Variants in BCAR3 observed in about 807,000 individuals in gnomAD.
BCAR3 encodes the protein BCAR3 adaptor protein, NSP family member.
BCAR3 carries 37 observed loss-of-function variants against 80.1 expected under a neutral mutation model. The observed-to-expected ratio is 0.46, with a 90% CI of 0.36 to 0.61. The LOEUF (loss-of-function observed/expected upper bound fraction) is 0.61. Among genes scored for constraint, BCAR3 ranks in the 20% least tolerant of loss-of-function variants. The probability of loss-of-function intolerance (pLI) is 0.00; values close to 1 mark genes in which losing one functional copy is unlikely to be tolerated. For missense variants in BCAR3, 978 were observed against 1,068.2 expected, an observed-to-expected ratio of 0.92 and a Z score of 1.18; for synonymous variants, 389 against 418.9, an observed-to-expected ratio of 0.93 and a Z score of 0.87.
rs1038416202 is a variant in BCAR3 at position 93,586,422 on chromosome 1, A to G, written c.930-2301T>C. ...GGCTGAATAGTACTCCACTGTGTATATACACATTTCCCTTATCTATTCAGC... is the reference window on the plus strand; with the variant it reads ...GGCTGAATAGTACTCCACTGTGTATGTACACATTTCCCTTATCTATTCAGC... On this transcript the variant is annotated intron_variant, in intron 5 of 11. Coordinates refer to ENST00000260502, the MANE Select transcript of BCAR3 (RefSeq NM_003567.4). The surrounding 1 kb of genome is among the most constrained non-coding windows in gnomAD (Gnocchi z 4.2). Among the ~76,000 whole-genome samples the G allele has an allele frequency of 6.6e-6, 1 of 152,250 alleles. No homozygotes were observed. The highest frequency in any genetic ancestry group is 1.5e-5 in the Non-Finnish European group (1 of 68,046).
rs550358639 is a variant in BCAR3 at position 93,805,916 on chromosome 1, ACAAT to A, written c.-63+39647_-63+39650del. ...AAGAAGAGGATGTTATGAAAAAGAA[ACAAT>A]CAGAGAACAAGAAAGAGCTTTTTGA... On this transcript the variant is annotated intron_variant, in intron 2 of 13. Coordinates refer to the BCAR3 transcript ENST00000370244. 9.4e-4 allele frequency among the ~76,000 whole-genome samples: 143 copies of A among 152,292 alleles called. 4 individuals are homozygous for A. Among genetic ancestry groups the A allele is most frequent in the African/African-American group, 3.3e-3 (136 of 41,574 alleles).
upstream of BCAR3, among the ~76,000 whole-genome samples, chr1:93,683,409 T>C (rs539329902): frequency 6.6e-5 from 10 of 152,320 alleles, no homozygotes; most frequent in African/African-American, 1.4e-4. Flanking sequence ...CTAGAAAAGC[T>C]AAATTAACAT....
chr1:93,843,157 A>C (rs1655022695), intron 2 of BCAR3, among the ~76,000 whole-genome samples: 1 of 152,224 alleles, frequency 6.6e-6, no homozygotes, highest in Non-Finnish European at 1.5e-5. Context: ...AGGTTCTTGA[A>C]CTAAGAACTG....
intron 2 of BCAR3, among the ~76,000 whole-genome samples, chr1:93,742,161 G>A (rs1571088721): frequency 6.6e-6 from 1 of 152,196 alleles, no homozygotes; most frequent in East Asian, 1.9e-4. Context: ...GTGGTGCAGG[G>A]TATCAGAGTG....
chr1:93,634,930 G>A (rs236279), intron 3 of BCAR3, among the ~76,000 whole-genome samples: 1,810 of 152,190 alleles, frequency 0.012, 35 homozygotes, highest in African/African-American at 0.04. Context: ...GTGTTTCTGC[G>A]TATATCAACA....
intron 2 of BCAR3, among the ~76,000 whole-genome samples, chr1:93,746,162 T>C (rs1436266102): frequency 6.6e-6 from 1 of 152,176 alleles, no homozygotes; most frequent in Admixed American, 6.5e-5. Context: ...GGTAAGAAGA[T>C]GTCAAGAGCA....
intron 2 of BCAR3, among the ~76,000 whole-genome samples, chr1:93,823,871 T>C (rs909452986): frequency 3.7e-5 from 5 of 133,344 alleles, no homozygotes; most frequent in African/African-American, 1.3e-4. Flanking sequence ...AGCTAATTTT[T>C]ACATTTTTAG....
At chr1:93,749,556 A>T (rs980853719) in intron 2 of BCAR3, among the ~76,000 whole-genome samples, 1 of 149,592 alleles carries the variant, frequency 6.7e-6, no homozygotes, top group Non-Finnish European at 1.5e-5. Flanking sequence ...ACCACTGCAC[A>T]CCAGCCTGGG....
intron 2 of BCAR3, among the ~76,000 whole-genome samples, chr1:93,764,007 C>T (rs1652053927): frequency 6.6e-6 from 1 of 152,136 alleles, no homozygotes; most frequent in Admixed American, 6.5e-5. Flanking sequence ...ACCTCACACA[C>T]CCCTCCACCT....
intron 9 of BCAR3, among the ~76,000 whole-genome samples, chr1:93,571,058 G>A (rs962064890): frequency 6.6e-6 from 1 of 152,110 alleles, no homozygotes; most frequent in African/African-American, 2.4e-5. Context: ...ACAAAAATTA[G>A]CCAGGTGTGG....
At chr1:93,820,341 C>T (rs1278569159) in intron 2 of BCAR3, among the ~76,000 whole-genome samples, 3 of 152,188 alleles carry the variant, frequency 2.0e-5, no homozygotes, top group Non-Finnish European at 4.4e-5. Flanking sequence ...ACAAACCCTA[C>T]AGGTTAAGGG....
At chr1:93,781,137 GA>G (rs1435618160) in intron 2 of BCAR3, among the ~76,000 whole-genome samples, 1 of 152,262 alleles carries the variant, frequency 6.6e-6, no homozygotes, top group African/African-American at 2.4e-5. Flanking sequence ...CCTATGCCAG[GA>G]GTCAGCAAGC....
chr1:93,575,651 G>T (rs1473245067), intron 8 of BCAR3, among the ~76,000 whole-genome samples: 2 of 152,158 alleles, frequency 1.3e-5, no homozygotes, highest in Admixed American at 6.5e-5. Context: ...AGCTTGCTGG[G>T]CAGGAGACCC....
intron 2 of BCAR3, among the ~76,000 whole-genome samples, chr1:93,654,058 C>T (rs1647248740): frequency 6.6e-6 from 1 of 152,190 alleles, no homozygotes; most frequent in Non-Finnish European, 1.5e-5. Flanking sequence ...AAGTCCTCAC[C>T]ATGCCCTATG....
chr1:93,686,496 A>T (rs1015954957), upstream of BCAR3, among the ~76,000 whole-genome samples: 1 of 152,258 alleles, frequency 6.6e-6, no homozygotes, highest in African/African-American at 2.4e-5. Context: ...CATGCCAACT[A>T]CTATGCTAAG....
intron 3 of BCAR3, among the ~76,000 whole-genome samples, chr1:93,618,301 T>G (rs1160641066): frequency 6.6e-6 from 1 of 152,078 alleles, no homozygotes; most frequent in African/African-American, 2.4e-5. Context: ...CATTTAGGAG[T>G]GCGTGCTGTA....
At chr1:93,757,009 T>G (rs1571101611) in intron 2 of BCAR3, among the ~76,000 whole-genome samples, 1 of 151,126 alleles carries the variant, frequency 6.6e-6, no homozygotes, top group Non-Finnish European at 1.5e-5. Context: ...TAGGGAGGGG[T>G]GGGGAGGACC....
chr1:93,685,360 TG>T (rs1557653997), upstream of BCAR3, among the ~76,000 whole-genome samples: 10 of 152,114 alleles, frequency 6.6e-5, no homozygotes, highest in Middle Eastern at 3.4e-3. Context: ...TCTATGTGTG[TG>T]TGTGTGTGTG....
intron 3 of BCAR3, among the ~76,000 whole-genome samples, chr1:93,689,659 T>C (rs980033546): frequency 6.6e-6 from 1 of 151,984 alleles, no homozygotes; most frequent in South Asian, 2.1e-4. Context: ...GAAACAAATG[T>C]ATGTAAAACC....
Sources: allele counts gnomAD v4.1 joint callset (sites outside exome capture counted in the v4.1 genomes callset), GRCh38; gene constraint gnomAD v4.1.1; non-coding constraint Gnocchi (gnomAD v3.1); transcripts MANE v1.5; gene names NCBI Gene and HGNC (gene_info 2026-07-23, HGNC 2026-07-21).